The following EPHB2 variants were observed in gnomAD, a reference collection of about 807,000 sequenced individuals.
EPHB2 encodes the protein ephrin type-B receptor 2.
A neutral mutation model predicts 96.4 loss-of-function variants in EPHB2; 18 were observed. The ratio of observed to expected loss-of-function variants is 0.19; its 90% CI spans 0.13 to 0.28. The LOEUF is 0.28. Ranked by LOEUF, EPHB2 falls within the 10% of genes least tolerant of loss-of-function variation. EPHB2 has a pLI of 1.00. For missense variants in EPHB2, 989 were observed against 1,355.4 expected (o/e 0.73, Z 4.25); for synonymous variants, 506 against 534.1 (o/e 0.95, Z 0.72).
At chr1:22,811,138 C>T (rs4655117) in intron 3 of EPHB2, among the ~76,000 whole-genome samples, 45,835 of 151,936 alleles carry the variant, frequency 0.3, 7,725 homozygotes, top group East Asian at 0.74. Context: ...ATGAATGATC[C>T]GTAGCCCATG....
chr1:22,871,254 C>A (rs985438187), intron 5 of EPHB2, among the ~76,000 whole-genome samples: 1 of 152,178 alleles, frequency 6.6e-6, no homozygotes, highest in Admixed American at 6.5e-5. Context: ...GTTGACCAGA[C>A]CCATGCCTTC....
chr1:22,893,020 A>C lies in EPHB2; in HGVS notation c.1565A>C (p.Lys522Thr). 6.2e-7 allele frequency: 1 copy of C among 1,614,226 alleles called. No individual in the cohort carries two copies. The highest frequency in any genetic ancestry group is 1.1e-5 in the South Asian group (1 of 91,082). Residue 522 changes from lysine (K) to threonine (T), a missense_variant, in exon 7 of 16, where the codon AAG becomes ACG. By Grantham distance (78) the Lys-to-Thr change is moderately conservative. Coordinates refer to ENST00000374630, the MANE Select transcript of EPHB2 (RefSeq NM_017449.5). The part of the protein sequence containing the change: ...TVAGYGRYSG[K>T]MYFQTMTEAE... ...GCAGGTTACGGGCGCTACAGCGGCA[A>C]GATGTACTTCCAGACCATGACAGAA...
At chr1:22,867,888 A>G (rs1638531899) in intron 5 of EPHB2, among the ~76,000 whole-genome samples, 1 of 152,184 alleles carries the variant, frequency 6.6e-6, no homozygotes, top group Non-Finnish European at 1.5e-5. Context: ...GAAGAAAAAA[A>G]AAGTCAACAA....
chr1:22,895,205 G>A (rs1227890156), intron 7 of EPHB2, among the ~76,000 whole-genome samples: 1 of 152,170 alleles, frequency 6.6e-6, no homozygotes, highest in Non-Finnish European at 1.5e-5. Flanking sequence ...ATTATTGTTG[G>A]TTTTCACATC....
chr1:22,890,505 C>T (rs1233299551), intron 6 of EPHB2, among the ~76,000 whole-genome samples: 1 of 152,146 alleles, frequency 6.6e-6, no homozygotes, highest in Non-Finnish European at 1.5e-5. Context: ...GAACCTGCTG[C>T]CCCTTCTGCC....
At chr1:22,808,631 A>T (rs1644961733) in intron 3 of EPHB2, among the ~76,000 whole-genome samples, 1 of 152,236 alleles carries the variant, frequency 6.6e-6, no homozygotes, top group Non-Finnish European at 1.5e-5. Context: ...AAGAGATAAT[A>T]AGATTAATAG....
chr1:22,721,581 T>C (rs1643467664), intron 1 of EPHB2, among the ~76,000 whole-genome samples: 1 of 152,304 alleles, frequency 6.6e-6, no homozygotes, highest in Non-Finnish European at 1.5e-5. Context: ...CTGTGTCCGG[T>C]TTTGCCACAT....
chr1:22,785,203 G>A (rs1365052746), intron 3 of EPHB2, 127 bp downstream of exon 3: 6 of 1,218,662 alleles, frequency 4.9e-6, no homozygotes, highest in Non-Finnish European at 6.7e-6. Context: ...CTAGGGCCAG[G>A]GTTTCCAAAC....
intron 1 of EPHB2, among the ~76,000 whole-genome samples, chr1:22,748,455 C>G (rs994672423): frequency 1.3e-5 from 2 of 151,302 alleles, no homozygotes; most frequent in African/African-American, 4.9e-5. Context: ...GATCTCAGCT[C>G]ACTGCAAGCT....
intron 3 of EPHB2, among the ~76,000 whole-genome samples, chr1:22,844,116 A>C (rs1466787043): frequency 1.3e-5 from 2 of 152,092 alleles, no homozygotes; most frequent in Non-Finnish European, 2.9e-5. Flanking sequence ...ATACATGTGC[A>C]TGTGTCTCTG....
chr1:22,886,679 T>C (rs1639235765), intron 6 of EPHB2, among the ~76,000 whole-genome samples: 1 of 140,430 alleles, frequency 7.1e-6, no homozygotes, highest in South Asian at 2.3e-4. Flanking sequence ...CAGGCTGGAG[T>C]GCAGTGGCAC....
intron 6 of EPHB2, 146 bp downstream of exon 6, chr1:22,882,629 C>A: frequency 2.3e-6 from 3 of 1,307,666 alleles, no homozygotes; most frequent in Middle Eastern, 2.7e-4. Flanking sequence ...GGCTGCCTGG[C>A]TCCCAATCCA....
intron 3 of EPHB2, among the ~76,000 whole-genome samples, chr1:22,854,488 G>C (rs1431394818): frequency 2.0e-5 from 3 of 152,138 alleles, no homozygotes; most frequent in Non-Finnish European, 4.4e-5. Context: ...CTGCAGCCTG[G>C]GTGATAGAGT....
At chr1:22,855,690 A>T (rs1246826066) in intron 3 of EPHB2, among the ~76,000 whole-genome samples, 1 of 152,166 alleles carries the variant, frequency 6.6e-6, no homozygotes, top group Non-Finnish European at 1.5e-5. Flanking sequence ...AATAGCCAAC[A>T]CTTACATAGC....
intron 3 of EPHB2, among the ~76,000 whole-genome samples, chr1:22,812,521 G>A (rs1049228314): frequency 1.8e-4 from 27 of 152,130 alleles, no homozygotes; most frequent in African/African-American, 6.0e-4. Context: ...CAGAATGAAG[G>A]AAATTGGGGG....
intron 1 of EPHB2, among the ~76,000 whole-genome samples, chr1:22,769,602 T>C (rs1469527164): frequency 6.6e-6 from 1 of 152,030 alleles, no homozygotes; most frequent in Non-Finnish European, 1.5e-5. Context: ...GGGACAGGGT[T>C]TTGTCATGTT....
intron 5 of EPHB2, among the ~76,000 whole-genome samples, chr1:22,872,970 G>A (rs899032217): frequency 6.6e-6 from 1 of 152,188 alleles, no homozygotes; most frequent in African/African-American, 2.4e-5. Flanking sequence ...CCCTCTCCGC[G>A]CATCTTCCTC....
chr1:22,859,407 G>C (rs1429868837), intron 3 of EPHB2, among the ~76,000 whole-genome samples: 1 of 152,068 alleles, frequency 6.6e-6, no homozygotes, highest in East Asian at 1.9e-4. Context: ...CAGAGTTTGG[G>C]CTTCCCATGT....
chr1:22,888,793 CAG>C (rs142295808), intron 6 of EPHB2, among the ~76,000 whole-genome samples: 60,728 of 151,876 alleles, frequency 0.4, 13,536 homozygotes, highest in Non-Finnish European at 0.51. Flanking sequence ...GAATAGAAAA[CAG>C]GGGCTCAGGG....
Sources: allele counts gnomAD v4.1 joint callset (sites outside exome capture counted in the v4.1 genomes callset), GRCh38; gene constraint gnomAD v4.1.1; transcripts MANE v1.5; gene names NCBI Gene and HGNC (gene_info 2026-07-23, HGNC 2026-07-21).